RYR2: variants seen among roughly 807,000 people sequenced by gnomAD.
The protein encoded by RYR2 is cardiac muscle ryanodine receptor-calcium release channel.
Under a neutral mutation model 601.1 loss-of-function variants are expected in RYR2, and 227 were observed. The ratio of observed to expected loss-of-function variants is 0.38; its 90% CI spans 0.34 to 0.42. The LOEUF (loss-of-function observed/expected upper bound fraction) is 0.42. Ranked by LOEUF, RYR2 falls within the 10% of genes least tolerant of loss-of-function variation. The probability of loss-of-function intolerance (pLI) is 1.00; values close to 1 mark genes in which losing one functional copy is unlikely to be tolerated. For synonymous variants in RYR2, 2,223 were observed against 2,175.1 expected (o/e 1.02, Z -0.61); for missense variants, 4,646 against 6,156.5 (o/e 0.75, Z 8.21).
intron 41 of RYR2, 31 bp downstream of exon 41, chr1:237,628,111 C>G (rs1226317582): frequency 6.2e-7 from 1 of 1,603,450 alleles, no homozygotes; most frequent in South Asian, 1.1e-5. Context: ...AACCCTTTGT[C>G]TCGTAAATGT....
At chr1:237,302,056 C>T (rs1693404938) in intron 2 of RYR2, among the ~76,000 whole-genome samples, 1 of 152,106 alleles carries the variant, frequency 6.6e-6, no homozygotes, top group Non-Finnish European at 1.5e-5. Flanking sequence ...TACTTGAATT[C>T]AGACATAATT....
chr1:237,698,184 A>C (rs1687664695), intron 63 of RYR2, among the ~76,000 whole-genome samples: 1 of 148,816 alleles, frequency 6.7e-6, no homozygotes, highest in South Asian at 2.1e-4. Flanking sequence ...ACTATATTGT[A>C]AGTGGTCAAA....
intron 25 of RYR2, among the ~76,000 whole-genome samples, chr1:237,541,828 G>A (rs1431414344): frequency 1.3e-5 from 2 of 152,130 alleles, no homozygotes; most frequent in Non-Finnish European, 2.9e-5. Flanking sequence ...GCCAGGAAAA[G>A]GACTTTCACA....
chr1:237,601,473 T>C (rs1017519362), intron 34 of RYR2, among the ~76,000 whole-genome samples: 1 of 152,022 alleles, frequency 6.6e-6, no homozygotes, highest in African/African-American at 2.4e-5. Flanking sequence ...ACCCAATGGG[T>C]ATAGAGTTAA....
chr1:237,823,986 T>C (rs1188209932), intron 101 of RYR2, among the ~76,000 whole-genome samples: 1 of 152,062 alleles, frequency 6.6e-6, no homozygotes, highest in Non-Finnish European at 1.5e-5. Context: ...CAGGAAGAAG[T>C]TGAATCCCTG....
intron 6 of RYR2, among the ~76,000 whole-genome samples, chr1:237,371,895 C>T (rs1304277912): frequency 1.3e-5 from 2 of 151,932 alleles, no homozygotes; most frequent in South Asian, 4.2e-4. Context: ...CGGGGCCTGT[C>T]GTGGGGTGGG....
chr1:237,172,048 G>T (rs1677462956), intron 1 of RYR2, among the ~76,000 whole-genome samples: 1 of 152,210 alleles, frequency 6.6e-6, no homozygotes, highest in Admixed American at 6.5e-5. Context: ...GCATATGTTT[G>T]AGAAGAGAGG....
At chr1:237,642,877 A>T (rs1426054447) in intron 47 of RYR2, among the ~76,000 whole-genome samples, 1 of 152,204 alleles carries the variant, frequency 6.6e-6, no homozygotes. Context: ...TATGCAATTC[A>T]TTTCTTAGCA....
chr1:237,645,999 C>T (rs61832665), intron 48 of RYR2, among the ~76,000 whole-genome samples: 1 of 151,530 alleles, frequency 6.6e-6, no homozygotes, highest in Non-Finnish European at 1.5e-5. Flanking sequence ...GCTTCAGCCT[C>T]CCGAGTAGCT....
At chr1:237,698,081 C>T (rs934686337) in intron 63 of RYR2, among the ~76,000 whole-genome samples, 2 of 148,732 alleles carry the variant, frequency 1.3e-5, no homozygotes, top group East Asian at 4.0e-4. Flanking sequence ...TAATAGTTGT[C>T]AATCTCAGGA....
rs373651355 is a variant in RYR2 at position 237,465,699 on chromosome 1, G to T, written c.1613-3393G>T. ...CTGCGCGGCTACGCTATACTGGATG[G>T]CCTACTGCGCGTCTACGCTATACGG... On this transcript the variant is annotated intron_variant, in intron 16 of 104. Coordinates refer to ENST00000366574, the MANE Select transcript of RYR2 (RefSeq NM_001035.3). Among the ~76,000 whole-genome samples, 21 of 152,308 alleles carry T rather than the reference G, an allele frequency of 1.4e-4. No individual in the cohort carries two copies. In the East Asian group the frequency reaches 2.1e-3, roughly 15 times the overall value.
chr1:237,213,822 A>AT (rs1682848929), intron 1 of RYR2, among the ~76,000 whole-genome samples: 1 of 148,386 alleles, frequency 6.7e-6, no homozygotes, highest in African/African-American at 2.5e-5. Context: ...TCTGAAATTT[A>AT]TTCTGGCAAA....
intron 60 of RYR2, among the ~76,000 whole-genome samples, chr1:237,677,579 G>A (rs1401627094): frequency 6.6e-6 from 1 of 152,112 alleles, no homozygotes; most frequent in East Asian, 1.9e-4. Context: ...TTTAGTTTGT[G>A]TCTTAAATTG....
chr1:237,492,954 G>C lies in RYR2; in HGVS notation c.1828G>C (p.Val610Leu). ...LLDKHGRNHK[V>L]LDVLCSLCVC... is the part of the protein sequence containing the mutation. ...AGCTGAAAGTAATTTCTCTTTTCAG[G>C]TTCTGGATGTCTTGTGCTCACTCTG... The change falls in exon 19 of 105, where the codon GTT becomes CTT. Residue 610 changes from valine to leucine, a missense_variant and splice_region_variant. Transcript: ENST00000366574. 6.3e-7 allele frequency: 1 copy of C among 1,579,338 alleles called. No homozygotes were observed. The highest frequency in any genetic ancestry group is 8.6e-7 in the Non-Finnish European group (1 of 1,160,024).
intron 1 of RYR2, among the ~76,000 whole-genome samples, chr1:237,067,700 A>G (rs1213558775): frequency 6.6e-6 from 1 of 152,204 alleles, no homozygotes; most frequent in Non-Finnish European, 1.5e-5. Flanking sequence ...CTTGTGTATC[A>G]ATTTGGGTTG....
At chr1:237,304,435 T>A (rs754007969) in intron 2 of RYR2, among the ~76,000 whole-genome samples, 4 of 152,264 alleles carry the variant, frequency 2.6e-5, no homozygotes, top group Non-Finnish European at 5.9e-5. Context: ...AAATGTAAAT[T>A]GCTCTTAAAG....
chr1:237,276,505 T>A (rs1690303451), intron 2 of RYR2, among the ~76,000 whole-genome samples: 1 of 152,092 alleles, frequency 6.6e-6, no homozygotes, highest in African/African-American at 2.4e-5. Context: ...AAAATGGTAT[T>A]AATAAAGATA....
At chr1:237,435,978 G>A (rs76182021) in intron 12 of RYR2, among the ~76,000 whole-genome samples, 7,382 of 152,212 alleles carry the variant, frequency 0.048, 270 homozygotes, top group Non-Finnish European at 0.08. Flanking sequence ...CCTTAGGCAT[G>A]GGCTGATGCT....
chr1:237,311,745 T>C lies in RYR2; in HGVS notation c.169-19133T>C, dbSNP rs551920795. Among the ~76,000 whole-genome samples, 100 of 152,248 alleles carry C rather than the reference T, an allele frequency of 6.6e-4. No individual in the cohort carries two copies. In the Middle Eastern group the frequency reaches 0.01, roughly 16 times the overall value. On this transcript the variant is annotated intron_variant, in intron 2 of 104. Transcript: ENST00000366574. Reference sequence around the variant, plus strand: ...CCACCTGCCTCTGCTTCCCAAAGTGTTGGGATTACAGGCGCGAACCACCAT... The same window carrying C: ...CCACCTGCCTCTGCTTCCCAAAGTGCTGGGATTACAGGCGCGAACCACCAT...
Sources: allele counts gnomAD v4.1 joint callset (sites outside exome capture counted in the v4.1 genomes callset), GRCh38; gene constraint gnomAD v4.1.1; transcripts MANE v1.5; gene names NCBI Gene and HGNC (gene_info 2026-07-23, HGNC 2026-07-21).